PLPPR1: variants seen among roughly 807,000 people sequenced by gnomAD.
PLPPR1 encodes the protein phospholipid phosphatase related 1.
PLPPR1 carries 10 observed loss-of-function variants against 33.1 expected under a neutral mutation model. The observed-to-expected ratio is 0.30, with a 90% CI of 0.19 to 0.51. The LOEUF is 0.51. PLPPR1 is among the 20% of genes least tolerant of loss of function. PLPPR1 has a pLI of 0.97. For missense variants in PLPPR1, 304 were observed against 408.1 expected (o/e 0.74, Z 2.20); for synonymous variants, 151 against 151.0 (o/e 1.00, Z 0.00).
chr9:101,287,821 C>T (rs1828421876), intron 4 of PLPPR1, among the ~76,000 whole-genome samples: 1 of 152,028 alleles, frequency 6.6e-6, no homozygotes, highest in Non-Finnish European at 1.5e-5. Flanking sequence ...ATTTCATAGT[C>T]CTAGTTGTAC....
intron 1 of PLPPR1, among the ~76,000 whole-genome samples, chr9:101,069,868 G>A (rs1830462294): frequency 6.6e-6 from 1 of 152,096 alleles, no homozygotes; most frequent in East Asian, 1.9e-4. Flanking sequence ...TAACCCCTAA[G>A]GGATTAGGAG....
At position 101,077,861 on chromosome 9, in the gene PLPPR1, G is replaced by A. The variant is rs187948432; in HGVS notation, c.-46+48759G>A. Reference sequence around the variant, plus strand: ...GTGTGAAAACCAGCACCTTTGTCCCGAAGAATGGGGAAGCAGATATGGGTT... The same window carrying A: ...GTGTGAAAACCAGCACCTTTGTCCCAAAGAATGGGGAAGCAGATATGGGTT... On this transcript the variant is annotated intron_variant, in intron 1 of 7. Coordinates refer to ENST00000374874, the MANE Select transcript of PLPPR1 (RefSeq NM_207299.2). Among the ~76,000 whole-genome samples the A allele has an allele frequency of 3.4e-3, 517 of 151,912 alleles. 6 individuals carry two copies. The highest frequency in any genetic ancestry group is 0.011 in the African/African-American group (455 of 41,422).
At chr9:101,074,408 C>A (rs953321324) in intron 1 of PLPPR1, among the ~76,000 whole-genome samples, 1 of 152,060 alleles carries the variant, frequency 6.6e-6, no homozygotes, top group African/African-American at 2.4e-5. Context: ...GCAGCTTACC[C>A]AACATGACCC....
At chr9:101,113,242 T>C (rs928480283) in intron 1 of PLPPR1, among the ~76,000 whole-genome samples, 3 of 151,642 alleles carry the variant, frequency 2.0e-5, no homozygotes. Flanking sequence ...GATGTTTTAG[T>C]AGCCTCCAGT....
intron 3 of PLPPR1, among the ~76,000 whole-genome samples, chr9:101,282,693 G>T (rs1370734298): frequency 6.6e-6 from 1 of 152,080 alleles, no homozygotes; most frequent in Admixed American, 6.5e-5. Flanking sequence ...GAATAAACTG[G>T]TTCAGTAAAG....
intron 1 of PLPPR1, among the ~76,000 whole-genome samples, chr9:101,123,008 A>G (rs1384232427): frequency 6.6e-6 from 1 of 152,188 alleles, no homozygotes; most frequent in African/African-American, 2.4e-5. Flanking sequence ...CCTGAATGTA[A>G]CATCGGTATG....
At chr9:101,253,080 A>G (rs529098442) in intron 2 of PLPPR1, among the ~76,000 whole-genome samples, 6 of 152,136 alleles carry the variant, frequency 3.9e-5, no homozygotes, top group Non-Finnish European at 8.8e-5. Flanking sequence ...TCCTTTGAAA[A>G]CTATGAAACA....
chr9:101,077,634 G>A (rs1355068616), intron 1 of PLPPR1, among the ~76,000 whole-genome samples: 2 of 152,144 alleles, frequency 1.3e-5, no homozygotes, highest in African/African-American at 4.8e-5. Context: ...CTGGACAGAG[G>A]AGGGAGTGAA....
chr9:101,078,691 A>AAGAT lies in PLPPR1; in HGVS notation c.-46+49590_-46+49591insGATA, dbSNP rs1554724275. ...CTGGGCGACAGAGTGACTCCATCTCAAAATAAATAAATAAATAAATAAATC... is the reference window on the plus strand; with the variant it reads ...CTGGGCGACAGAGTGACTCCATCTCAAGATAAATAAATAAATAAATAAATAAATC... On this transcript the variant is annotated intron_variant, in intron 1 of 7. Transcript: ENST00000374874. Among the ~76,000 whole-genome samples, 56 of 152,140 alleles carry AAGAT rather than the reference A, an allele frequency of 3.7e-4. 1 individual carries two copies. The highest frequency in any genetic ancestry group is 1.3e-3 in the African/African-American group (55 of 41,514).
chr9:101,300,655 C>T (rs1028671908), intron 4 of PLPPR1, among the ~76,000 whole-genome samples: 7 of 152,156 alleles, frequency 4.6e-5, no homozygotes, highest in African/African-American at 1.7e-4. Flanking sequence ...AACTTACAAA[C>T]ATGGAATCAC....
chr9:101,128,405 A>G (rs984447884), intron 1 of PLPPR1, among the ~76,000 whole-genome samples: 1 of 152,220 alleles, frequency 6.6e-6, no homozygotes, highest in Admixed American at 6.5e-5. Flanking sequence ...TTTGAGATAT[A>G]ATAATAATCT....
chr9:101,214,979 C>T (rs144172147), intron 2 of PLPPR1, among the ~76,000 whole-genome samples: 4,021 of 148,342 alleles, frequency 0.027, 171 homozygotes, highest in African/African-American at 0.095. Flanking sequence ...GCTGAGATCA[C>T]GCCACTGCAC....
intron 1 of PLPPR1, among the ~76,000 whole-genome samples, chr9:101,167,499 T>C (rs1026813196): frequency 5.9e-5 from 9 of 151,790 alleles, no homozygotes; most frequent in African/African-American, 2.2e-4. Context: ...CTCCTGCAAT[T>C]TGTTACTCTG....
chr9:101,271,256 G>C (rs141794837), intron 3 of PLPPR1, among the ~76,000 whole-genome samples: 10 of 152,248 alleles, frequency 6.6e-5, no homozygotes, highest in Non-Finnish European at 1.5e-4. Context: ...TCACCTCACT[G>C]TTCCCTCCCA....
chr9:101,201,729 G>A (rs573737882), intron 2 of PLPPR1, among the ~76,000 whole-genome samples: 1 of 152,198 alleles, frequency 6.6e-6, no homozygotes, highest in African/African-American at 2.4e-5. Flanking sequence ...ATCAGTTCAC[G>A]GGTATTCTTC....
At chr9:101,139,572 G>T (rs1231501446) in intron 1 of PLPPR1, among the ~76,000 whole-genome samples, 1 of 152,134 alleles carries the variant, frequency 6.6e-6, no homozygotes, top group Admixed American at 6.6e-5. Flanking sequence ...TGACAGTGTG[G>T]TGAGGAGGTA....
chr9:101,306,680 T>C (rs1050498318), intron 4 of PLPPR1, among the ~76,000 whole-genome samples: 2 of 152,180 alleles, frequency 1.3e-5, no homozygotes, highest in East Asian at 1.9e-4. Flanking sequence ...TTAAGATAAA[T>C]AGAACCATCT....
chr9:101,320,375 C>A (rs903623628), intron 7 of PLPPR1, among the ~76,000 whole-genome samples: 1 of 152,172 alleles, frequency 6.6e-6, no homozygotes, highest in Non-Finnish European at 1.5e-5. Context: ...TAAACCATGT[C>A]TTATTTACCA....
At chr9:101,263,991 T>A (rs1827944817) in intron 2 of PLPPR1, among the ~76,000 whole-genome samples, 1 of 151,874 alleles carries the variant, frequency 6.6e-6, no homozygotes, top group South Asian at 2.1e-4. Context: ...TCTCAGGGGG[T>A]CAAACTTATT....
Sources: gnomAD v4.1 joint callset for allele counts (sites outside exome capture counted in the v4.1 genomes callset) on GRCh38, gnomAD v4.1.1 for gene constraint, MANE v1.5 for transcripts, NCBI Gene and HGNC (gene_info 2026-07-23, HGNC 2026-07-21) for gene names.